The following ZNF599 variants were observed in gnomAD, a reference collection of about 807,000 sequenced individuals.
ZNF599 encodes zinc finger protein 599.
In ZNF599, 10 loss-of-function variants were observed where a neutral mutation model predicts 11.7. That is an observed-to-expected ratio of 0.86 (90% confidence interval 0.53 to 1.45). The LOEUF (loss-of-function observed/expected upper bound fraction) is 1.45, where lower values mean the gene tolerates loss of function less well. Among genes scored for constraint, ZNF599 ranks in the 40% most tolerant of loss-of-function variants. The pLI is 0.00. For missense variants in ZNF599, 688 were observed against 713.6 expected, an observed-to-expected ratio of 0.96 and a Z score of 0.41; for synonymous variants, 232 against 253.2, an observed-to-expected ratio of 0.92 and a Z score of 0.79.
At chr19:34,775,492 G>A (rs2069213914), upstream of ZNF599, among the ~76,000 whole-genome samples, 1 of 152,216 alleles carries the variant, frequency 6.6e-6, no homozygotes, top group South Asian at 2.1e-4. Context: ...AGGGATGGTG[G>A]GTAGTGGTGG....
At chr19:34,792,517 G>A in the ZNF599 span, among the ~76,000 whole-genome samples, 4 of 152,150 alleles carry the variant, frequency 2.6e-5, no homozygotes, top group African/African-American at 9.7e-5. Flanking sequence ...GAGGTAAAGG[G>A]AATCTGTATA....
At chr19:34,782,731 G>T in the ZNF599 span, among the ~76,000 whole-genome samples, 9 of 152,194 alleles carry the variant, frequency 5.9e-5, no homozygotes, top group African/African-American at 2.2e-4. Flanking sequence ...GGGAAGATGT[G>T]AAGACCTTAC....
At chr19:34,805,197 C>CTT in the ZNF599 span, among the ~76,000 whole-genome samples, 706 of 125,858 alleles carry the variant, frequency 5.6e-3, 20 homozygotes, top group East Asian at 0.014. Context: ...TAAGTGCTAC[C>CTT]TTTTTTTTTT....
chr19:34,805,523 A>G, the ZNF599 span, among the ~76,000 whole-genome samples: 1 of 152,052 alleles, frequency 6.6e-6, no homozygotes, highest in African/African-American at 2.4e-5. Flanking sequence ...CACCCTCAAC[A>G]TTAGAAAATC....
At chr19:34,788,216 A>G in the ZNF599 span, among the ~76,000 whole-genome samples, 3 of 152,176 alleles carry the variant, frequency 2.0e-5, no homozygotes, top group African/African-American at 7.2e-5. Flanking sequence ...CCAATGTCCC[A>G]TGGATCCCAA....
At chr19:34,787,865 C>T in the ZNF599 span, among the ~76,000 whole-genome samples, 1 of 152,200 alleles carries the variant, frequency 6.6e-6, no homozygotes, top group Non-Finnish European at 1.5e-5. Context: ...TCTAGCACAA[C>T]CCATCAATTT....
chr19:34,773,891 A>C (rs966180966), upstream of ZNF599, among the ~76,000 whole-genome samples: 1 of 152,206 alleles, frequency 6.6e-6, no homozygotes, highest in African/African-American at 2.4e-5. Context: ...TATTGCTGTC[A>C]TTATTAATAT....
chr19:34,777,895 G>A (rs1003681282), upstream of ZNF599, among the ~76,000 whole-genome samples: 2 of 151,864 alleles, frequency 1.3e-5, no homozygotes, highest in Non-Finnish European at 2.9e-5. Flanking sequence ...GAGAGCTGCT[G>A]AACAACACAG....
At chr19:34,780,194 G>A in the ZNF599 span, among the ~76,000 whole-genome samples, 278 of 152,286 alleles carry the variant, frequency 1.8e-3, no homozygotes, top group African/African-American at 6.3e-3. Flanking sequence ...TATCCAGCCA[G>A]GTGCAAAGTG....
At chr19:34,806,733 A>G in the ZNF599 span, among the ~76,000 whole-genome samples, 1 of 152,142 alleles carries the variant, frequency 6.6e-6, no homozygotes, top group African/African-American at 2.4e-5. Flanking sequence ...TGACCCATAA[A>G]GCAGCATGTA....
intron 3 of ZNF599, chr19:34,764,529 G>A (rs1600156704): frequency 6.6e-6 from 1 of 152,190 alleles, no homozygotes; most frequent in African/African-American, 2.4e-5. Flanking sequence ...CAAGTCAAAT[G>A]TCCATCAATA....
At chr19:34,776,472 C>T (rs930033948), upstream of ZNF599, among the ~76,000 whole-genome samples, 24 of 152,308 alleles carry the variant, frequency 1.6e-4, no homozygotes, top group African/African-American at 5.3e-4. Flanking sequence ...CATGGGCTTG[C>T]GATTCTTCAG....
rs905525989 is a variant in ZNF599 at position 34,758,957 on chromosome 19, T to C, written c.*77A>G. 2.8e-6 allele frequency: 4 copies of C among 1,424,282 alleles called. No homozygotes were observed. Among genetic ancestry groups the C allele is most frequent in the African/African-American group, 1.4e-5 (1 of 69,884 alleles). The allele number at this position is 1,424,282 out of a possible 1,614,324, so 88.2% of individuals were successfully genotyped here. On this transcript the variant is annotated 3_prime_UTR_variant, in exon 4 of 4. Coordinates refer to ENST00000329285, the MANE Select transcript of ZNF599 (RefSeq NM_001007248.3). Reference sequence around the variant, plus strand: ...GCCAAAATATTTCCCTCAATAGTTATACTCAAAAGGAAAGGTATGTCACCA... The same window carrying C: ...GCCAAAATATTTCCCTCAATAGTTACACTCAAAAGGAAAGGTATGTCACCA...
the ZNF599 span, among the ~76,000 whole-genome samples, chr19:34,805,195 A>AC: frequency 4.0e-5 from 5 of 124,820 alleles, no homozygotes; most frequent in African/African-American, 1.4e-4. Flanking sequence ...CCTAAGTGCT[A>AC]CCTTTTTTTT....
chr19:34,802,938 A>G, the ZNF599 span, among the ~76,000 whole-genome samples: 71 of 152,338 alleles, frequency 4.7e-4, no homozygotes, highest in Non-Finnish European at 8.8e-5. Context: ...GCAACAGACT[A>G]CAGGTAAGAA....
At chr19:34,783,229 G>A in the ZNF599 span, among the ~76,000 whole-genome samples, 8 of 152,284 alleles carry the variant, frequency 5.3e-5, no homozygotes, top group South Asian at 1.7e-3. Context: ...CCAAGAAGAG[G>A]GGCCATGCCA....
upstream of ZNF599, among the ~76,000 whole-genome samples, chr19:34,776,640 G>A (rs936408161): frequency 6.6e-6 from 1 of 152,220 alleles, no homozygotes; most frequent in Non-Finnish European, 1.5e-5. Flanking sequence ...TATTAGTGAG[G>A]AATTAGTGGA....
At chr19:34,787,800 T>A in the ZNF599 span, among the ~76,000 whole-genome samples, 2 of 152,162 alleles carry the variant, frequency 1.3e-5, no homozygotes, top group Non-Finnish European at 2.9e-5. Flanking sequence ...AATTAAGTCT[T>A]AGGAAAGCCA....
the ZNF599 span, among the ~76,000 whole-genome samples, chr19:34,784,460 A>G: frequency 2.0e-5 from 3 of 152,294 alleles, no homozygotes; most frequent in African/African-American, 7.2e-5. Flanking sequence ...GGGGAATACA[A>G]CTCAAAATAC....
Sources: allele counts gnomAD v4.1 joint callset (sites outside exome capture counted in the v4.1 genomes callset), GRCh38; gene constraint gnomAD v4.1.1; transcripts MANE v1.5; gene names NCBI Gene and HGNC (gene_info 2026-07-23, HGNC 2026-07-21).